Variants in EXT1 observed in about 807,000 individuals in gnomAD.
The protein encoded by EXT1 is exostosin-1.
In EXT1, 20 loss-of-function variants were observed where a neutral mutation model predicts 82.5. That is an observed-to-expected ratio of 0.24 (90% CI 0.17 to 0.35). The LOEUF (loss-of-function observed/expected upper bound fraction) is 0.35, where lower values mean the gene tolerates loss of function less well. Among genes scored for constraint, EXT1 ranks in the 10% least tolerant of loss-of-function variants. EXT1 has a pLI of 1.00. For synonymous variants in EXT1, 348 were observed against 350.8 expected, an observed-to-expected ratio of 0.99 and a Z score of 0.09; for missense variants, 757 against 936.5, an observed-to-expected ratio of 0.81 and a Z score of 2.50.
At chr8:117,948,598 G>A (rs759308058) in intron 1 of EXT1, among the ~76,000 whole-genome samples, 3 of 152,178 alleles carry the variant, frequency 2.0e-5, no homozygotes, top group African/African-American at 4.8e-5. Context: ...GTTGAAATTT[G>A]TATAGGAAAT....
At chr8:118,090,861 T>C (rs956743487) in intron 1 of EXT1, among the ~76,000 whole-genome samples, 2 of 139,948 alleles carry the variant, frequency 1.4e-5, no homozygotes, top group Non-Finnish European at 3.1e-5. Flanking sequence ...GAATCCTGTA[T>C]ACACAGGTTT....
chr8:117,957,563 C>T (rs879550505), intron 1 of EXT1, among the ~76,000 whole-genome samples: 4 of 152,236 alleles, frequency 2.6e-5, no homozygotes, highest in Non-Finnish European at 2.9e-5. Context: ...ATCACTTTCA[C>T]TCACTGGACC....
At chr8:117,955,959 G>T (rs1402630315) in intron 1 of EXT1, among the ~76,000 whole-genome samples, 2 of 152,150 alleles carry the variant, frequency 1.3e-5, no homozygotes, top group African/African-American at 4.8e-5. Context: ...CCCCAGGCAT[G>T]ACTGGTTCTT....
chr8:117,838,667 T>A (rs1812224835), intron 1 of EXT1, among the ~76,000 whole-genome samples: 1 of 152,142 alleles, frequency 6.6e-6, no homozygotes, highest in South Asian at 2.1e-4. Context: ...TAGATGGTAG[T>A]GATTTCTTCA....
chr8:117,873,066 G>A (rs941914418), intron 1 of EXT1, among the ~76,000 whole-genome samples: 2 of 152,168 alleles, frequency 1.3e-5, no homozygotes, highest in Non-Finnish European at 2.9e-5. Flanking sequence ...ATTAGGTCAT[G>A]AGGGTGGAAA....
At chr8:117,908,997 T>C (rs1586278526) in intron 1 of EXT1, among the ~76,000 whole-genome samples, 1 of 151,810 alleles carries the variant, frequency 6.6e-6, no homozygotes, top group East Asian at 1.9e-4. Flanking sequence ...CTGGGCGTGG[T>C]TGTACGCGCC....
intron 1 of EXT1, among the ~76,000 whole-genome samples, chr8:117,960,944 T>A (rs182649991): frequency 6.6e-6 from 1 of 152,174 alleles, no homozygotes; most frequent in African/African-American, 2.4e-5. Context: ...TACACACTTA[T>A]CCTGGTGATT....
intron 1 of EXT1, among the ~76,000 whole-genome samples, chr8:118,076,572 C>T (rs558957765): frequency 2.8e-4 from 42 of 152,342 alleles, no homozygotes; most frequent in African/African-American, 1.0e-3. Context: ...GTTATTCACC[C>T]TCATGCCCAG....
chr8:117,812,564 C>T (rs980715138), intron 8 of EXT1, among the ~76,000 whole-genome samples: 7 of 152,070 alleles, frequency 4.6e-5, no homozygotes, highest in African/African-American at 7.2e-5. Flanking sequence ...CTCAGTTCTG[C>T]GCAACTGCTC....
At chr8:117,962,128 T>C (rs1162890798) in intron 1 of EXT1, among the ~76,000 whole-genome samples, 1 of 62,904 alleles carries the variant, frequency 1.6e-5, no homozygotes, top group Non-Finnish European at 2.6e-5. Flanking sequence ...GGTCACTGAT[T>C]TCTTCCTCAG....
chr8:117,872,353 T>C (rs1308225399), intron 1 of EXT1, among the ~76,000 whole-genome samples: 1 of 152,102 alleles, frequency 6.6e-6, no homozygotes. Context: ...CAGGTAACAT[T>C]GTTTACTCAG....
chr8:118,108,293 T>C (rs1047554939), intron 1 of EXT1, among the ~76,000 whole-genome samples: 1 of 152,206 alleles, frequency 6.6e-6, no homozygotes, highest in African/African-American at 2.4e-5. Flanking sequence ...CTTTAGCCCT[T>C]TTAGAAGGAT....
At chr8:117,851,919 A>G (rs531853104) in intron 1 of EXT1, among the ~76,000 whole-genome samples, 17 of 152,330 alleles carry the variant, frequency 1.1e-4, no homozygotes, top group African/African-American at 4.1e-4. Context: ...AAGGGCATCC[A>G]TAGGGACTGG....
intron 1 of EXT1, among the ~76,000 whole-genome samples, chr8:118,063,604 C>A (rs911675781): frequency 6.6e-6 from 1 of 152,214 alleles, no homozygotes; most frequent in Non-Finnish European, 1.5e-5. Context: ...TGCTTCAGTT[C>A]TCTGTGAGAA....
intron 4 of EXT1, among the ~76,000 whole-genome samples, chr8:117,828,052 C>T (rs987216713): frequency 4.0e-5 from 6 of 151,824 alleles, no homozygotes; most frequent in African/African-American, 1.5e-4. Flanking sequence ...AATGTAATAA[C>T]ATGAGAAAAT....
intron 1 of EXT1, among the ~76,000 whole-genome samples, chr8:117,922,582 G>A (rs548161403): frequency 2.6e-5 from 4 of 151,906 alleles, no homozygotes; most frequent in Admixed American, 2.0e-4. Context: ...GAGTGTCTGA[G>A]AGAGGCATGG....
intron 1 of EXT1, among the ~76,000 whole-genome samples, chr8:117,977,020 C>A (rs1386397615): frequency 6.6e-6 from 1 of 152,124 alleles, no homozygotes; most frequent in Non-Finnish European, 1.5e-5. Context: ...ACTGATCATT[C>A]AGGGAATCAG....
intron 1 of EXT1, among the ~76,000 whole-genome samples, chr8:118,018,737 G>A (rs1816047934): frequency 6.6e-6 from 1 of 152,180 alleles, no homozygotes; most frequent in South Asian, 2.1e-4. Context: ...AGTTGTGGGT[G>A]CATGAGGTTA....
chr8:117,831,610 T>A (rs1355159279), intron 3 of EXT1: 1 of 471,074 alleles, frequency 2.1e-6, no homozygotes, highest in Admixed American at 2.3e-5. Flanking sequence ...TCTTTCTGCA[T>A]GCTTGCCTCC....
Sources: gnomAD v4.1 joint callset for allele counts (sites outside exome capture counted in the v4.1 genomes callset) on GRCh38, gnomAD v4.1.1 for gene constraint, MANE v1.5 for transcripts, NCBI Gene and HGNC (gene_info 2026-07-23, HGNC 2026-07-21) for gene names.